Variants in RPS6KA6 observed in about 807,000 individuals in gnomAD.
RPS6KA6 encodes the protein ribosomal protein S6 kinase alpha-6.
Under a neutral mutation model 65.4 loss-of-function variants are expected in RPS6KA6, and 27 were observed. The observed-to-expected ratio is 0.41, with a 90% CI of 0.30 to 0.57. RPS6KA6 has a LOEUF of 0.57. Among genes scored for constraint, RPS6KA6 ranks in the 20% least tolerant of loss-of-function variants. The pLI, the probability that RPS6KA6 is intolerant of heterozygous loss-of-function variation, is 0.24. For missense variants in RPS6KA6, 486 were observed against 555.6 expected (o/e 0.87, Z 1.26); for synonymous variants, 190 against 184.2 (o/e 1.03, Z -0.26).
At position 84,089,773 on chromosome X, in the gene RPS6KA6, G is replaced by A. The variant is rs189047465; in HGVS notation, c.1971+6421C>T. Among the ~76,000 whole-genome samples, 24 of 111,404 alleles carry A rather than the reference G, an allele frequency of 2.2e-4. No homozygotes were observed. In the East Asian group the frequency reaches 6.0e-3, roughly 28 times the overall value. ...TGCTATTCTTTCTCCTCCATGGGTC[G>A]AGTTGTCTGCCTAGTCAGTCCCAAT... On this transcript the variant is annotated intron_variant, in intron 20 of 21. Transcript: ENST00000262752.
chrX:84,109,419 C>A (rs1343453149), intron 12 of RPS6KA6, among the ~76,000 whole-genome samples: 4 of 111,137 alleles, frequency 3.6e-5, no homozygotes, highest in Non-Finnish European at 7.6e-5. Context: ...ACCACCAGAG[C>A]GTTCTGTGAT....
chrX:84,163,361 C>G (rs1185942885), intron 2 of RPS6KA6, among the ~76,000 whole-genome samples: 3 of 111,046 alleles, frequency 2.7e-5, no homozygotes, highest in Non-Finnish European at 5.7e-5. Flanking sequence ...ATAACTCGGC[C>G]GGGCGCGGTG....
intron 20 of RPS6KA6, among the ~76,000 whole-genome samples, chrX:84,076,367 A>AC (rs1172158189): frequency 8.9e-6 from 1 of 112,034 alleles, no homozygotes; most frequent in Non-Finnish European, 1.9e-5. Context: ...ATAAAATAGT[A>AC]CATCCACATC....
In RPS6KA6 at chrX:84,116,322, A is replaced by AT. The variant is rs201497249; in HGVS notation, c.950-36dup. ...AAAGAAATGATATTTTATTTTTATG[A>AT]TTTTTTTTAGTCTTGCTCCCTGGCT... On this transcript the variant is annotated intron_variant, in intron 11 of 21. Transcript: ENST00000262752. 129 of 889,216 alleles carry AT rather than the reference A, an allele frequency of 1.5e-4. No homozygotes were observed. In the East Asian group the frequency reaches 2.0e-3, roughly 14 times the overall value. 73.3% of individuals were successfully genotyped at this position (889,216 alleles called of 1,213,427 possible). A position where few individuals can be genotyped will look rare whatever the true frequency, so the allele number is the denominator to read the frequency against.
chrX:84,142,169 T>G (rs990676029), intron 6 of RPS6KA6, among the ~76,000 whole-genome samples: 17 of 111,703 alleles, frequency 1.5e-4, no homozygotes, highest in African/African-American at 4.9e-4. Flanking sequence ...ATACAAAGTA[T>G]GCTTTATGAC....
chrX:84,102,269 C>A (rs1246049657), intron 17 of RPS6KA6, 71 bp from the exon 18 acceptor site: 16 of 524,627 alleles, frequency 3.0e-5, no homozygotes, highest in Non-Finnish European at 4.3e-5. Flanking sequence ...AACATTATAT[C>A]TATATAATTA....
At chrX:84,108,641 T>C (rs900630858) in intron 12 of RPS6KA6, among the ~76,000 whole-genome samples, 23 of 111,075 alleles carry the variant, frequency 2.1e-4, no homozygotes, top group African/African-American at 7.5e-4. Context: ...TAACCATAGG[T>C]AAACCCCCTT....
chrX:84,144,744 T>G (rs942344738), intron 6 of RPS6KA6, among the ~76,000 whole-genome samples: 3 of 110,997 alleles, frequency 2.7e-5, no homozygotes, highest in African/African-American at 9.8e-5. Context: ...AGCAGTTTTA[T>G]TAGTAATATC....
chrX:84,173,729 C>T (rs1008669325), intron 1 of RPS6KA6, among the ~76,000 whole-genome samples: 4 of 111,773 alleles, frequency 3.6e-5, no homozygotes, highest in African/African-American at 1.3e-4. Context: ...AGTGCGATCA[C>T]AGCTCATTGT....
intron 20 of RPS6KA6, among the ~76,000 whole-genome samples, chrX:84,080,548 C>T (rs1329755903): frequency 2.1e-5 from 2 of 95,140 alleles, no homozygotes; most frequent in Non-Finnish European, 4.2e-5. Flanking sequence ...TTTAACACCC[C>T]ACTGTCAATA....
intron 1 of RPS6KA6, among the ~76,000 whole-genome samples, chrX:84,183,802 ACCACCACCACCC>A (rs1177296118): frequency 9.1e-6 from 1 of 110,114 alleles, no homozygotes; most frequent in Non-Finnish European, 1.9e-5. Context: ...CCATTCCTAA[ACCACCACCACCC>A]CCACCACCAC....
At chrX:84,105,739 T>C (rs1464591057) in intron 16 of RPS6KA6, 48 bp downstream of exon 16, 2 of 744,838 alleles carry the variant, frequency 2.7e-6, no homozygotes, top group Non-Finnish European at 4.0e-6. Context: ...AAAGTTCCAA[T>C]TCATAACTTC....
intron 8 of RPS6KA6, among the ~76,000 whole-genome samples, chrX:84,128,316 T>G (rs934206848): frequency 1.8e-5 from 2 of 110,755 alleles, no homozygotes; most frequent in African/African-American, 6.6e-5. Flanking sequence ...TAAAGACATG[T>G]AAAAAGGAAT....
At chrX:84,102,497 A>G (rs960639666) in intron 17 of RPS6KA6, among the ~76,000 whole-genome samples, 6 of 110,600 alleles carry the variant, frequency 5.4e-5, no homozygotes, top group Non-Finnish European at 7.6e-5. Context: ...GCCATAATTT[A>G]TATCACTTAG....
At chrX:84,164,240 T>C in intron 2 of RPS6KA6, 88 bp downstream of exon 2, 3 of 686,318 alleles carry the variant, frequency 4.4e-6, no homozygotes, top group African/African-American at 2.2e-5. Context: ...CTGAATATAT[T>C]TGTTTGATAG....
Position 84,064,979 on chromosome X carries a change from C to A in RPS6KA6, c.2104G>T (p.Val702Phe). The A allele has an allele frequency of 8.3e-7, 1 of 1,205,964 alleles. No homozygotes were observed. The change falls in exon 21 of 22, where the codon GTT (valine) becomes TTT (phenylalanine). Residue 702 changes from valine to phenylalanine, a missense_variant. Physicochemically the swap from Val to Phe is conservative, Grantham distance 50. Coordinates refer to ENST00000262752, the MANE Select transcript of RPS6KA6 (RefSeq NM_014496.5). ...AAGTATGTTTGTTTTACCTTAACAA[C>A]ATGTGACACATCATTTCTCTTTGGC... ...DQPKRNDVSHVVKGAMVATYS... is the reference protein window; with the variant it reads ...DQPKRNDVSHFVKGAMVATYS...
At chrX:84,126,696 T>C (rs1427519558) in intron 8 of RPS6KA6, among the ~76,000 whole-genome samples, 1 of 111,645 alleles carries the variant, frequency 9.0e-6, no homozygotes, top group Non-Finnish European at 1.9e-5. Flanking sequence ...AAGAGGAATT[T>C]TGTAAACTAT....
intron 8 of RPS6KA6, among the ~76,000 whole-genome samples, chrX:84,129,917 CTT>C (rs755977717): frequency 9.0e-5 from 10 of 110,719 alleles, no homozygotes; most frequent in African/African-American, 1.3e-4. Context: ...ATAAATAAGA[CTT>C]AATATTAGCT....
chrX:84,139,997 C>G (rs529429371), intron 6 of RPS6KA6, among the ~76,000 whole-genome samples: 1 of 111,671 alleles, frequency 9.0e-6, no homozygotes, highest in Admixed American at 9.5e-5. Flanking sequence ...ACAAAATTCA[C>G]AGGATGGAGT....
Sources: gnomAD v4.1 joint callset for allele counts (sites outside exome capture counted in the v4.1 genomes callset) on GRCh38, gnomAD v4.1.1 for gene constraint, MANE v1.5 for transcripts, NCBI Gene and HGNC (gene_info 2026-07-23, HGNC 2026-07-21) for gene names.